The following ODF2L variants were observed in gnomAD, a reference collection of about 807,000 sequenced individuals.
ODF2L encodes outer dense fiber of sperm tails 2 like.
ODF2L carries 76 observed loss-of-function variants against 86.3 expected under a neutral mutation model. The observed-to-expected ratio is 0.88, with a 90% CI of 0.73 to 1.07. The LOEUF (loss-of-function observed/expected upper bound fraction) is 1.07, where lower values mean the gene tolerates loss of function less well. Among genes scored for constraint, ODF2L ranks in the 50% least tolerant of loss-of-function variants. The probability of loss-of-function intolerance (pLI) is 0.00; values close to 1 mark genes in which losing one functional copy is unlikely to be tolerated. For missense variants in ODF2L, 748 were observed against 717.4 expected (o/e 1.04, Z -0.49); for synonymous variants, 241 against 231.3 (o/e 1.04, Z -0.38).
At chr1:86,349,535 A>G (rs1657986527), downstream of ODF2L, 1 of 152,116 alleles carries the variant, frequency 6.6e-6, no homozygotes, top group Admixed American at 6.5e-5. Context: ...GTTCAATGAC[A>G]CCTGATACCT....
chr1:86,364,093 ATTTAAC>A (rs1195649057), intron 11 of ODF2L, among the ~76,000 whole-genome samples: 2 of 152,202 alleles, frequency 1.3e-5, no homozygotes, highest in African/African-American at 4.8e-5. Context: ...TAAGATACAA[ATTTAAC>A]TTTATGACTT....
chr1:86,348,592 G>A (rs1207827351), downstream of ODF2L: 1 of 584,278 alleles, frequency 1.7e-6, no homozygotes, highest in Non-Finnish European at 2.5e-6. Context: ...TAAAGTTTCA[G>A]TTAGATAAAT....
At chr1:86,372,356 T>A in intron 9 of ODF2L, 75 bp downstream of exon 9, 1 of 660,854 alleles carries the variant, frequency 1.5e-6, no homozygotes, top group East Asian at 3.3e-5. Flanking sequence ...AAAATCAAAA[T>A]ACAAACAACT....
chr1:86,366,433 C>CAT (rs747724626), intron 11 of ODF2L, among the ~76,000 whole-genome samples: 2 of 124,022 alleles, frequency 1.6e-5, no homozygotes, highest in South Asian at 5.0e-4. Flanking sequence ...CACACACACA[C>CAT]ATACACATAC....
chr1:86,368,600 T>C, intron 11 of ODF2L: 1 of 1,338,956 alleles, frequency 7.5e-7, no homozygotes. Flanking sequence ...GCTGATGAGG[T>C]ATAGAGAACT....
downstream of ODF2L, chr1:86,348,804 A>T: frequency 6.4e-7 from 1 of 1,554,192 alleles, no homozygotes. Context: ...AATTCTTAAT[A>T]CTCTCATTTT....
At chr1:86,389,269 C>A (rs1406169500) in intron 1 of ODF2L, among the ~76,000 whole-genome samples, 2 of 152,042 alleles carry the variant, frequency 1.3e-5, no homozygotes. Flanking sequence ...TTGGGTGCAA[C>A]AAAGACACAT....
intron 11 of ODF2L, among the ~76,000 whole-genome samples, chr1:86,367,748 T>G (rs928603680): frequency 1.3e-5 from 2 of 152,152 alleles, no homozygotes; most frequent in African/African-American, 4.8e-5. Context: ...TTAGAATCAA[T>G]CTATAAAAAG....
At chr1:86,365,055 A>G (rs1039276390) in intron 11 of ODF2L, among the ~76,000 whole-genome samples, 4 of 152,224 alleles carry the variant, frequency 2.6e-5, no homozygotes, top group Admixed American at 2.6e-4. Flanking sequence ...TTCTAATTAT[A>G]AAATATGAAC....
At chr1:86,359,825 T>A (rs776859321) in intron 12 of ODF2L, among the ~76,000 whole-genome samples, 5 of 152,148 alleles carry the variant, frequency 3.3e-5, no homozygotes, top group Non-Finnish European at 7.4e-5. Context: ...GCCAGTTCAT[T>A]ATTCTTTAAT....
At chr1:86,349,010 C>A, downstream of ODF2L, 2 of 865,516 alleles carry the variant, frequency 2.3e-6, no homozygotes, top group Non-Finnish European at 3.1e-6. Flanking sequence ...ATACTCACAT[C>A]TGATGTGTTC....
At chr1:86,374,728 A>G (rs1660052450) in intron 8 of ODF2L, among the ~76,000 whole-genome samples, 1 of 152,156 alleles carries the variant, frequency 6.6e-6, no homozygotes. Flanking sequence ...ATTAGTAACT[A>G]GTGACCTTCT....
intron 14 of ODF2L, chr1:86,355,394 T>C: frequency 6.6e-7 from 1 of 1,511,394 alleles, no homozygotes; most frequent in Non-Finnish European, 9.0e-7. Context: ...CTGCTCTAAA[T>C]AATGTAAGAA....
At chr1:86,371,273 C>T in intron 9 of ODF2L, 120 bp from the exon 10 acceptor site, 2 of 484,060 alleles carry the variant, frequency 4.1e-6, no homozygotes, top group Non-Finnish European at 7.1e-6. Context: ...AGGGAATATA[C>T]AAAAAATAAA....
chr1:86,371,902 T>C (rs1293333833), intron 9 of ODF2L, among the ~76,000 whole-genome samples: 1 of 152,108 alleles, frequency 6.6e-6, no homozygotes, highest in African/African-American at 2.4e-5. Flanking sequence ...AATTTCAAAA[T>C]GTGGGCCAGG....
chr1:86,358,064 G>C, intron 13 of ODF2L: 1 of 985,418 alleles, frequency 1.0e-6, no homozygotes, highest in Non-Finnish European at 1.2e-6. Context: ...TGCTCTGGCT[G>C]ACCTCTTCTT....
chr1:86,379,300 G>C (rs1660404133), intron 7 of ODF2L, among the ~76,000 whole-genome samples: 1 of 152,136 alleles, frequency 6.6e-6, no homozygotes, highest in African/African-American at 2.4e-5. Context: ...GGGGACCAAT[G>C]CTTCTCTATA....
At chr1:86,367,351 A>G (rs576033924) in intron 11 of ODF2L, among the ~76,000 whole-genome samples, 1 of 152,290 alleles carries the variant, frequency 6.6e-6, no homozygotes, top group Admixed American at 6.5e-5. Flanking sequence ...ATTCCAGTAA[A>G]AAGAAAAGGA....
At chr1:86,382,352 T>C (rs1414452780) in exon 7 of ODF2L, 2 of 1,611,094 alleles carry the variant, frequency 1.2e-6, no homozygotes, top group Admixed American at 1.7e-5. Flanking sequence ...GCTTTCAAAG[T>C]ATTTGCCTGT....
Sources: allele counts gnomAD v4.1 joint callset (sites outside exome capture counted in the v4.1 genomes callset), GRCh38; gene constraint gnomAD v4.1.1; transcripts MANE v1.5; gene names NCBI Gene and HGNC (gene_info 2026-07-23, HGNC 2026-07-21).